PATL2: variants seen among roughly 807,000 people sequenced by gnomAD.
PATL2 encodes PAT1 homolog 2.
Under a neutral mutation model 77.0 loss-of-function variants are expected in PATL2, and 73 were observed. That is an observed-to-expected ratio of 0.95 (90% confidence interval 0.78 to 1.15). The LOEUF (loss-of-function observed/expected upper bound fraction) is 1.15, where lower values mean the gene tolerates loss of function less well. Ranked by LOEUF, PATL2 falls within the 50% of genes most tolerant of loss-of-function variation. The pLI is 0.00. For synonymous variants in PATL2, 265 were observed against 257.1 expected, an observed-to-expected ratio of 1.03 and a Z score of -0.29; for missense variants, 618 against 655.4, an observed-to-expected ratio of 0.94 and a Z score of 0.62.
chr15:44,685,325 C>T (rs1015408808), intron 3 of PATL2, among the ~76,000 whole-genome samples: 3 of 152,104 alleles, frequency 2.0e-5, no homozygotes, highest in Non-Finnish European at 4.4e-5. Flanking sequence ...AAGTCAAGAC[C>T]CTGCCAGGCA....
In PATL2 at chr15:44,669,891, G is replaced by A. The variant is rs1471289595; in HGVS notation, c.779-17C>T. On this transcript the variant is annotated splice_polypyrimidine_tract_variant and intron_variant, in intron 10 of 17. Transcript: ENST00000682850. ...TTCGGACCACTGCATGAGAAGAGAG[G>A]CACATTTCCTTCCCCCTCCCACACT... The A allele has an allele frequency of 1.9e-5, 29 of 1,551,454 alleles. No homozygotes were observed. Among genetic ancestry groups the A allele is most frequent in the African/African-American group, 9.6e-5 (7 of 73,096 alleles).
chr15:44,668,415 T>C lies in PATL2; in HGVS notation c.1292A>G (p.Gln431Arg), dbSNP rs2141168443. The part of the protein sequence containing the change: ...ISHLTLHELL[Q>R]GLQGLTLLPP... ...CAACAGCGTTAATCCCTGAAGTCCT[T>C]GGAGGAGTTCGTGGAGGGTCAAGTG... The change falls in exon 15 of 18, where the codon CAA (glutamine) becomes CGA (arginine). Residue 431 changes from glutamine (Q) to arginine (R), a missense_variant. Physicochemically the swap from Gln to Arg is conservative, Grantham distance 43 (BLOSUM62 1). Coordinates refer to ENST00000682850, the MANE Select transcript of PATL2 (RefSeq NM_001387263.1). The C allele has an allele frequency of 6.4e-7, 1 of 1,551,404 alleles. No individual in the cohort carries two copies. The highest frequency in any genetic ancestry group is 1.2e-5 in the South Asian group (1 of 84,054).
intron 3 of PATL2, among the ~76,000 whole-genome samples, chr15:44,692,633 A>G (rs974017575): frequency 1.3e-5 from 2 of 152,252 alleles, no homozygotes; most frequent in Non-Finnish European, 2.9e-5. Context: ...TCCTTGAACG[A>G]CTGTGGTGAA....
At chr15:44,666,142 T>G (rs1381073031) in intron 17 of PATL2, among the ~76,000 whole-genome samples, 171 bp from the exon 18 acceptor site, 1 of 152,252 alleles carries the variant, frequency 6.6e-6, no homozygotes, top group Non-Finnish European at 1.5e-5. Context: ...GAATGAATAA[T>G]TCAGGTTCTT....
intron 3 of PATL2, chr15:44,676,973 A>T: frequency 3.2e-6 from 3 of 944,068 alleles, no homozygotes; most frequent in Non-Finnish European, 3.8e-6. Flanking sequence ...CTGCTCACCC[A>T]TTAAAGGGCT....
intron 3 of PATL2, among the ~76,000 whole-genome samples, chr15:44,693,902 C>T (rs985168860): frequency 1.3e-5 from 2 of 151,978 alleles, no homozygotes; most frequent in Non-Finnish European, 2.9e-5. Context: ...AGGGTTTCTC[C>T]ACGTTGGCCA....
At chr15:44,686,101 A>G (rs2141236554) in intron 3 of PATL2, among the ~76,000 whole-genome samples, 1 of 152,350 alleles carries the variant, frequency 6.6e-6, no homozygotes, top group Middle Eastern at 3.4e-3. Context: ...TCAACAGCAT[A>G]TACATTCTTC....
At chr15:44,701,623 G>C (rs771564881) in intron 3 of PATL2, among the ~76,000 whole-genome samples, 91 of 151,102 alleles carry the variant, frequency 6.0e-4, no homozygotes, top group Non-Finnish European at 8.8e-4. Context: ...TTGAACCCAG[G>C]GGGTGGAGGT....
intron 3 of PATL2, among the ~76,000 whole-genome samples, chr15:44,682,356 G>A (rs1244128581): frequency 6.6e-6 from 1 of 152,170 alleles, no homozygotes; most frequent in East Asian, 1.9e-4. Flanking sequence ...TGATCCTTAT[G>A]CTTTTTGCTC....
chr15:44,672,557 AC>A, intron 7 of PATL2, 101 bp from the exon 8 acceptor site: 1 of 1,182,912 alleles, frequency 8.5e-7, no homozygotes, highest in African/African-American at 1.5e-5. Context: ...CATCTAAGGA[AC>A]CTTATCTGTT....
intron 9 of PATL2, among the ~76,000 whole-genome samples, chr15:44,670,491 C>A (rs1355779855): frequency 6.6e-6 from 1 of 151,994 alleles, no homozygotes; most frequent in Non-Finnish European, 1.5e-5. Context: ...TGTGCCCAGA[C>A]AAGCACGGCC....
intron 3 of PATL2, among the ~76,000 whole-genome samples, chr15:44,683,404 G>A (rs2141230943): frequency 6.6e-6 from 1 of 152,284 alleles, no homozygotes; most frequent in South Asian, 2.1e-4. Flanking sequence ...CTTGGTGGGG[G>A]GAGGGGCGTT....
intron 3 of PATL2, among the ~76,000 whole-genome samples, chr15:44,704,588 A>G (rs1450053710): frequency 6.6e-6 from 1 of 152,174 alleles, no homozygotes; most frequent in African/African-American, 2.4e-5. Context: ...TATAGTTATT[A>G]GTTTTGACTG....
chr15:44,690,746 T>C (rs2086372511), intron 3 of PATL2, among the ~76,000 whole-genome samples: 1 of 152,198 alleles, frequency 6.6e-6, no homozygotes, highest in Non-Finnish European at 1.5e-5. Context: ...AAAAGAGATA[T>C]TTATGTTAAG....
chr15:44,692,052 A>T (rs1295242977), intron 3 of PATL2, among the ~76,000 whole-genome samples: 1 of 152,242 alleles, frequency 6.6e-6, no homozygotes, highest in Admixed American at 6.5e-5. Context: ...CTGTGAACAC[A>T]TGAAAAAACA....
intron 16 of PATL2, 114 bp from the exon 17 acceptor site, chr15:44,666,655 A>G: frequency 9.2e-7 from 1 of 1,092,800 alleles, no homozygotes; most frequent in Non-Finnish European, 1.3e-6. Flanking sequence ...ACCCCCAGGT[A>G]GCAATTCAGA....
At chr15:44,689,459 C>A (rs2086335816) in intron 3 of PATL2, among the ~76,000 whole-genome samples, 1 of 152,156 alleles carries the variant, frequency 6.6e-6, no homozygotes, top group South Asian at 2.1e-4. Context: ...TTGGAACCAA[C>A]CCAAATGCCC....
intron 4 of PATL2, chr15:44,675,980 G>A: frequency 2.3e-6 from 1 of 426,408 alleles, no homozygotes; most frequent in Admixed American, 4.1e-5. Context: ...CCAGGAGTTT[G>A]AGATCAGCCT....
intron 15 of PATL2, 44 bp from the exon 16 acceptor site, chr15:44,667,247 C>T (rs1408391504): frequency 7.1e-7 from 1 of 1,417,058 alleles, no homozygotes; most frequent in Admixed American, 2.0e-5. Context: ...TGAGTTCACA[C>T]TCGGCATTTG....
Sources: allele counts gnomAD v4.1 joint callset (sites outside exome capture counted in the v4.1 genomes callset), GRCh38; gene constraint gnomAD v4.1.1; transcripts MANE v1.5; gene names NCBI Gene and HGNC (gene_info 2026-07-23, HGNC 2026-07-21).